LTBP1: variants seen among roughly 807,000 people sequenced by gnomAD.
The protein encoded by LTBP1 is latent-transforming growth factor beta-binding protein 1.
A neutral mutation model predicts 207.6 loss-of-function variants in LTBP1; 129 were observed. The observed-to-expected ratio is 0.62, with a 90% CI of 0.54 to 0.72. LTBP1 has a LOEUF of 0.72. Ranked by LOEUF, LTBP1 falls within the 30% of genes least tolerant of loss-of-function variation. LTBP1 has a pLI of 0.00. For synonymous variants in LTBP1, 963 were observed against 833.7 expected (o/e 1.16, Z -2.67); for missense variants, 2,281 against 2,217.2 (o/e 1.03, Z -0.58).
At chr2:33,252,924 T>C in intron 11 of LTBP1, 80 bp downstream of exon 11, 1 of 1,255,922 alleles carries the variant, frequency 8.0e-7, no homozygotes, top group Non-Finnish European at 1.1e-6. Context: ...CTTGGGTCAT[T>C]TGTGGTTTCT....
At chr2:33,036,597 A>G (rs2075938386) in intron 3 of LTBP1, among the ~76,000 whole-genome samples, 1 of 151,968 alleles carries the variant, frequency 6.6e-6, no homozygotes, top group African/African-American at 2.4e-5. Context: ...AGCTGGGATT[A>G]CAGGTGTGTG....
At chr2:33,292,868 C>T (rs1372307062) in intron 19 of LTBP1, among the ~76,000 whole-genome samples, 2 of 152,170 alleles carry the variant, frequency 1.3e-5, no homozygotes, top group Admixed American at 6.5e-5. Context: ...CACTAAATCT[C>T]CCGTCTCTTC....
intron 28 of LTBP1, 44 bp from the exon 29 acceptor site, chr2:33,363,346 C>A: frequency 6.2e-7 from 1 of 1,605,652 alleles, no homozygotes; most frequent in Non-Finnish European, 8.5e-7. Flanking sequence ...ATTGAAAGAT[C>A]AAACCTAACT....
At chr2:33,360,168 T>C (rs189644485) in intron 26 of LTBP1, among the ~76,000 whole-genome samples, 58 of 152,354 alleles carry the variant, frequency 3.8e-4, no homozygotes, top group Non-Finnish European at 4.9e-4. Flanking sequence ...GCATGGTTGA[T>C]TCCAATAACT....
chr2:33,236,156 G>C (rs2092038683), intron 9 of LTBP1, among the ~76,000 whole-genome samples: 2 of 152,182 alleles, frequency 1.3e-5, no homozygotes, highest in African/African-American at 4.8e-5. Flanking sequence ...AACCAGACTT[G>C]ATAATTCTGT....
intron 24 of LTBP1, among the ~76,000 whole-genome samples, chr2:33,332,184 A>G (rs2094501311): frequency 6.6e-6 from 1 of 152,066 alleles, no homozygotes; most frequent in Non-Finnish European, 1.5e-5. Context: ...TAATTAAAAT[A>G]CTTATTTAAG....
At chr2:33,392,394 C>T (rs2095322657) in intron 32 of LTBP1, among the ~76,000 whole-genome samples, 2 of 152,096 alleles carry the variant, frequency 1.3e-5, no homozygotes, top group Admixed American at 1.3e-4. Flanking sequence ...ACCACGTTGG[C>T]CAGGGTGGTC....
intron 20 of LTBP1, among the ~76,000 whole-genome samples, chr2:33,294,613 C>A (rs7565095): frequency 3.6e-5 from 5 of 137,838 alleles, no homozygotes; most frequent in African/African-American, 1.4e-4. Context: ...GAGTCTTGCT[C>A]TGTCGCCCAG....
At chr2:33,246,952 G>T (rs1337660609) in intron 10 of LTBP1, among the ~76,000 whole-genome samples, 1 of 152,116 alleles carries the variant, frequency 6.6e-6, no homozygotes, top group Non-Finnish European at 1.5e-5. Flanking sequence ...GAAATTCGAG[G>T]ACTTTTCAGA....
At chr2:33,106,831 C>T (rs1196523095) in intron 3 of LTBP1, among the ~76,000 whole-genome samples, 4 of 152,210 alleles carry the variant, frequency 2.6e-5, no homozygotes, top group Non-Finnish European at 5.9e-5. Context: ...GTCAGCCTGT[C>T]CTTTGAAGCT....
chr2:33,032,969 G>C (rs1350489875), intron 3 of LTBP1, among the ~76,000 whole-genome samples: 1 of 152,106 alleles, frequency 6.6e-6, no homozygotes, highest in South Asian at 2.1e-4. Flanking sequence ...AAAAAACAAG[G>C]ATTTGATCAA....
intron 5 of LTBP1, among the ~76,000 whole-genome samples, chr2:33,142,156 A>G (rs902377160): frequency 9.2e-5 from 14 of 151,942 alleles, no homozygotes; most frequent in African/African-American, 3.4e-4. Flanking sequence ...GGTTCACGCC[A>G]TTCTCATGCC....
chr2:33,070,021 C>G (rs1335880583), intron 3 of LTBP1, among the ~76,000 whole-genome samples: 1 of 152,260 alleles, frequency 6.6e-6, no homozygotes, highest in East Asian at 1.9e-4. Flanking sequence ...AAAGCATAAC[C>G]CAGTTCTGAC....
At chr2:33,180,181 G>T (rs6736870) in intron 5 of LTBP1, among the ~76,000 whole-genome samples, 3 of 152,118 alleles carry the variant, frequency 2.0e-5, no homozygotes, top group Admixed American at 6.6e-5. Context: ...GATGGAGTCC[G>T]AGTCAGTATA....
chr2:32,953,977 G>A (rs1332018004), intron 2 of LTBP1, among the ~76,000 whole-genome samples: 1 of 152,174 alleles, frequency 6.6e-6, no homozygotes, highest in Non-Finnish European at 1.5e-5. Context: ...CTGCCGATGG[G>A]GTGGGGGTAA....
chr2:33,308,305 A>T (rs543253000), intron 22 of LTBP1, among the ~76,000 whole-genome samples: 1 of 152,318 alleles, frequency 6.6e-6, no homozygotes, highest in Admixed American at 6.5e-5. Context: ...GTTATTGGTT[A>T]TGTATACCAC....
chr2:33,131,591 C>T (rs1348818420), intron 4 of LTBP1, among the ~76,000 whole-genome samples: 1 of 152,056 alleles, frequency 6.6e-6, no homozygotes, highest in African/African-American at 2.4e-5. Flanking sequence ...GGCATGAAAA[C>T]CTAAAGCTAA....
chr2:33,271,118 A>G (rs1398951041), intron 15 of LTBP1, among the ~76,000 whole-genome samples: 1 of 152,240 alleles, frequency 6.6e-6, no homozygotes, highest in Non-Finnish European at 1.5e-5. Flanking sequence ...ACTTGTTCAC[A>G]CATATAAAGA....
chr2:33,363,305 TA>T (rs2094946995), intron 28 of LTBP1, 84 bp from the exon 29 acceptor site: 2 of 1,365,214 alleles, frequency 1.5e-6, no homozygotes, highest in Admixed American at 4.0e-5. Context: ...ATATCTAACT[TA>T]AAGCCCCAAA....
Sources: gnomAD v4.1 joint callset for allele counts (sites outside exome capture counted in the v4.1 genomes callset) on GRCh38, gnomAD v4.1.1 for gene constraint, MANE v1.5 for transcripts, NCBI Gene and HGNC (gene_info 2026-07-23, HGNC 2026-07-21) for gene names.